The following PAX7 variants were observed in gnomAD, a reference collection of about 807,000 sequenced individuals.
PAX7 encodes paired box 7, also known as paired box protein Pax-7.
In PAX7, 18 loss-of-function variants were observed where a neutral mutation model predicts 50.7. That is an observed-to-expected ratio of 0.36 (90% CI 0.25 to 0.53). The LOEUF is 0.53. Among genes scored for constraint, PAX7 ranks in the 20% least tolerant of loss-of-function variants. The probability of loss-of-function intolerance (pLI) is 0.93; values close to 1 mark genes in which losing one functional copy is unlikely to be tolerated. For missense variants in PAX7, 644 were observed against 702.9 expected, an observed-to-expected ratio of 0.92 and a Z score of 0.95; for synonymous variants, 310 against 290.4, an observed-to-expected ratio of 1.07 and a Z score of -0.69.
chr1:18,639,258 A>C (rs1480890494), intron 4 of PAX7, among the ~76,000 whole-genome samples: 1 of 152,186 alleles, frequency 6.6e-6, no homozygotes, highest in African/African-American at 2.4e-5. Context: ...ATCAGTTCTC[A>C]CTCTCAGAGT....
chr1:18,642,635 C>G (rs1478553913), intron 4 of PAX7, among the ~76,000 whole-genome samples: 1 of 152,008 alleles, frequency 6.6e-6, no homozygotes, highest in Non-Finnish European at 1.5e-5. Flanking sequence ...CTTCCCTCTT[C>G]TTTTCCCCTT....
intron 7 of PAX7, among the ~76,000 whole-genome samples, chr1:18,713,773 A>C (rs547956263): frequency 6.6e-6 from 1 of 152,330 alleles, no homozygotes; most frequent in East Asian, 1.9e-4. Flanking sequence ...CAGAGGGAAG[A>C]CTGGATTTGC....
chr1:18,651,707 G>A (rs2088433303), intron 4 of PAX7, among the ~76,000 whole-genome samples: 1 of 152,066 alleles, frequency 6.6e-6, no homozygotes, highest in South Asian at 2.1e-4. Flanking sequence ...TCCCCCAAAG[G>A]TTAAGCATCC....
chr1:18,652,216 A>G (rs913132076), intron 4 of PAX7, among the ~76,000 whole-genome samples: 8 of 151,220 alleles, frequency 5.3e-5, no homozygotes, highest in African/African-American at 1.9e-4. Flanking sequence ...GGCTGCCTCC[A>G]CCCTTAACCT....
chr1:18,649,983 T>A (rs138378847), intron 4 of PAX7, among the ~76,000 whole-genome samples: 2 of 152,262 alleles, frequency 1.3e-5, no homozygotes, highest in Non-Finnish European at 2.9e-5. Flanking sequence ...TCAGGGGCCA[T>A]CCTTTGAGCT....
intron 4 of PAX7, among the ~76,000 whole-genome samples, chr1:18,650,453 C>A (rs1299896648): frequency 6.6e-6 from 1 of 152,138 alleles, no homozygotes; most frequent in Non-Finnish European, 1.5e-5. Flanking sequence ...TGGGATGGTG[C>A]TGGAAGGAGG....
intron 4 of PAX7, among the ~76,000 whole-genome samples, chr1:18,644,623 C>G (rs2088309950): frequency 6.6e-6 from 1 of 151,922 alleles, no homozygotes; most frequent in Non-Finnish European, 1.5e-5. Flanking sequence ...TCAGTATTCT[C>G]CAGGGAGCTT....
chr1:18,734,924 C>T (rs912314161), intron 7 of PAX7, among the ~76,000 whole-genome samples: 3 of 152,196 alleles, frequency 2.0e-5, no homozygotes, highest in African/African-American at 7.2e-5. Flanking sequence ...CTTCTAGAGA[C>T]AAGCCTCCCC....
At chr1:18,667,897 C>T (rs2088692890) in intron 4 of PAX7, among the ~76,000 whole-genome samples, 1 of 152,164 alleles carries the variant, frequency 6.6e-6, no homozygotes, top group Non-Finnish European at 1.5e-5. Flanking sequence ...TCCCAATCCT[C>T]CCTTTCCTCT....
At chr1:18,721,390 C>T (rs559307613) in intron 7 of PAX7, among the ~76,000 whole-genome samples, 3 of 152,310 alleles carry the variant, frequency 2.0e-5, no homozygotes, top group South Asian at 2.1e-4. Context: ...GGGTGTGCAG[C>T]GCAGGGACTG....
In PAX7 at chr1:18,748,480, T is replaced by C. The variant is rs547328609; in HGVS notation, c.*3551T>C. On this transcript the variant is annotated 3_prime_UTR_variant, in exon 9 of 9. Coordinates refer to ENST00000420770, the MANE Select transcript of PAX7 (RefSeq NM_001135254.2). ...AAATGGGGGTTCTCTAGCCGCCAACTTGAAACGCTCTGAGACTTCTGTGTA... is the reference window on the plus strand; with the variant it reads ...AAATGGGGGTTCTCTAGCCGCCAACCTGAAACGCTCTGAGACTTCTGTGTA... 8.6e-6 allele frequency: 2 copies of C among 232,080 alleles called. No individual in the cohort carries two copies. Among genetic ancestry groups the C allele is most frequent in the South Asian group, 1.8e-4 (1 of 5,500 alleles). 14.4% of individuals were successfully genotyped at this position (232,080 alleles called of 1,614,324 possible). A position where few individuals can be genotyped will look rare whatever the true frequency, so the allele number is the denominator to read the frequency against.
intron 7 of PAX7, among the ~76,000 whole-genome samples, chr1:18,724,264 G>A (rs1309714147): frequency 1.3e-5 from 2 of 152,224 alleles, no homozygotes; most frequent in Non-Finnish European, 2.9e-5. Flanking sequence ...AGAGAAAACT[G>A]GGCAGGGCCA....
chr1:18,684,298 A>T (rs2088942889), intron 4 of PAX7, among the ~76,000 whole-genome samples: 2 of 152,272 alleles, frequency 1.3e-5, no homozygotes, highest in South Asian at 4.2e-4. Flanking sequence ...AGAGGAGGGG[A>T]TGAAGGACAG....
intron 4 of PAX7, among the ~76,000 whole-genome samples, chr1:18,653,627 G>C (rs529919478): frequency 6.6e-6 from 1 of 152,092 alleles, no homozygotes; most frequent in African/African-American, 2.4e-5. Context: ...AGTGATACCT[G>C]TACCATGTGA....
Position 18,634,290 on chromosome 1 carries a change from C to G in PAX7, c.86-13C>G. On this transcript the variant is annotated splice_polypyrimidine_tract_variant and intron_variant, in intron 1 of 8. Coordinates refer to ENST00000420770, the MANE Select transcript of PAX7 (RefSeq NM_001135254.2). This position sits in a 1 kb window ranked among gnomAD's most constrained non-coding sequence, Gnocchi z 4.0. ...GCACCTCTCTCCTTCTGCATCTCCCCTCCCTTCTCCAGTGTCCACCCCGCT... is the reference window on the plus strand; with the variant it reads ...GCACCTCTCTCCTTCTGCATCTCCCGTCCCTTCTCCAGTGTCCACCCCGCT... The G allele has an allele frequency of 1.2e-6, 2 of 1,607,930 alleles. No homozygotes were observed. The highest frequency in any genetic ancestry group is 1.7e-6 in the Non-Finnish European group (2 of 1,175,504).
At chr1:18,641,216 T>A (rs1447314652) in intron 4 of PAX7, among the ~76,000 whole-genome samples, 1 of 152,104 alleles carries the variant, frequency 6.6e-6, no homozygotes, top group East Asian at 1.9e-4. Flanking sequence ...GGGGGATGAA[T>A]GAGCATAATC....
intron 5 of PAX7, among the ~76,000 whole-genome samples, chr1:18,699,503 T>A (rs1228401222): frequency 4.0e-5 from 6 of 151,790 alleles, no homozygotes; most frequent in South Asian, 4.2e-4. Flanking sequence ...TTCTCCTCTT[T>A]CTCTGACCTG....
intron 7 of PAX7, among the ~76,000 whole-genome samples, chr1:18,712,069 G>A (rs1353752534): frequency 3.3e-5 from 5 of 151,924 alleles, no homozygotes; most frequent in Non-Finnish European, 4.4e-5. Flanking sequence ...TTCTCTTGGC[G>A]AGGCCAGCCC....
intron 8 of PAX7, among the ~76,000 whole-genome samples, chr1:18,741,276 C>T (rs576943491): frequency 6.6e-6 from 1 of 152,116 alleles, no homozygotes; most frequent in South Asian, 2.1e-4. Context: ...TGGTGAAACC[C>T]CATCTCTACT....
Sources: gnomAD v4.1 joint callset for allele counts (sites outside exome capture counted in the v4.1 genomes callset) on GRCh38, gnomAD v4.1.1 for gene constraint, Gnocchi (gnomAD v3.1) non-coding constraint, MANE v1.5 for transcripts, NCBI Gene and HGNC (gene_info 2026-07-23, HGNC 2026-07-21) for gene names.